The following CATSPERB variants were observed in gnomAD, a reference collection of about 807,000 sequenced individuals.
CATSPERB encodes cation channel sperm-associated auxiliary subunit beta.
A neutral mutation model predicts 128.3 loss-of-function variants in CATSPERB; 93 were observed. The observed-to-expected ratio is 0.72, with a 90% CI of 0.61 to 0.86. The LOEUF is 0.86. Ranked by LOEUF, CATSPERB falls within the 40% of genes least tolerant of loss-of-function variation. The pLI, the probability that CATSPERB is intolerant of heterozygous loss-of-function variation, is 0.00. For synonymous variants in CATSPERB, 381 were observed against 448.8 expected (o/e 0.85, Z 1.91); for missense variants, 1,153 against 1,329.5 (o/e 0.87, Z 2.06).
At chr14:91,597,070 T>C (rs1893519680) in intron 22 of CATSPERB, among the ~76,000 whole-genome samples, 1 of 151,534 alleles carries the variant, frequency 6.6e-6, no homozygotes, top group South Asian at 2.1e-4. Context: ...TTTTTTTGTA[T>C]TTTTAGTAGA....
intron 7 of CATSPERB, among the ~76,000 whole-genome samples, chr14:91,702,687 C>CACACACAA (rs1456247283): frequency 6.6e-6 from 1 of 151,212 alleles, no homozygotes; most frequent in African/African-American, 2.4e-5. Context: ...CACACACACA[C>CACACACAA]ACACACACAC....
intron 7 of CATSPERB, among the ~76,000 whole-genome samples, chr14:91,702,812 C>A (rs1895674247): frequency 6.6e-6 from 1 of 151,718 alleles, no homozygotes; most frequent in Non-Finnish European, 1.5e-5. Flanking sequence ...CTTTATAATA[C>A]CAGAACTTCC....
chr14:91,654,200 C>T (rs1894751690), intron 15 of CATSPERB, among the ~76,000 whole-genome samples: 1 of 152,138 alleles, frequency 6.6e-6, no homozygotes, highest in Non-Finnish European at 1.5e-5. Flanking sequence ...CCTGCAGGAA[C>T]ATCAAATTGA....
At chr14:91,702,361 G>A (rs989964593) in intron 7 of CATSPERB, among the ~76,000 whole-genome samples, 17 of 150,222 alleles carry the variant, frequency 1.1e-4, no homozygotes, top group Non-Finnish European at 2.4e-4. Flanking sequence ...AAAAAAAATC[G>A]CGGTTTTTGC....
intron 14 of CATSPERB, among the ~76,000 whole-genome samples, chr14:91,667,727 C>A (rs1396442123): frequency 6.6e-6 from 1 of 152,044 alleles, no homozygotes; most frequent in East Asian, 1.9e-4. Context: ...GTTGTTTTTA[C>A]ACTAACCAGT....
intron 16 of CATSPERB, among the ~76,000 whole-genome samples, chr14:91,637,911 C>G (rs1894407413): frequency 6.6e-6 from 1 of 152,110 alleles, no homozygotes; most frequent in Non-Finnish European, 1.5e-5. Context: ...TTCTACCCTC[C>G]TGCTCACATC....
At chr14:91,632,269 C>T (rs990762765) in intron 17 of CATSPERB, among the ~76,000 whole-genome samples, 1 of 151,730 alleles carries the variant, frequency 6.6e-6, no homozygotes, top group Non-Finnish European at 1.5e-5. Context: ...AAATATTATC[C>T]AAAGAAGGCT....
intron 2 of CATSPERB, 65 bp downstream of exon 2, chr14:91,729,336 T>C (rs1253206609): frequency 1.5e-5 from 10 of 675,786 alleles, no homozygotes; most frequent in Non-Finnish European, 2.4e-5. Context: ...TTACTGTAAA[T>C]AAGGAAGAGA....
chr14:91,694,119 T>TG (rs1555364147), intron 7 of CATSPERB, among the ~76,000 whole-genome samples: 1 of 151,334 alleles, frequency 6.6e-6, no homozygotes, highest in East Asian at 1.9e-4. Flanking sequence ...ACATAAATAA[T>TG]AAAAAAAAAT....
At chr14:91,582,829 C>T (rs752682731) in intron 26 of CATSPERB, among the ~76,000 whole-genome samples, 2 of 152,110 alleles carry the variant, frequency 1.3e-5, no homozygotes, top group African/African-American at 4.8e-5. Flanking sequence ...ATTCTTTGCC[C>T]TCCTCACTCT....
intron 10 of CATSPERB, among the ~76,000 whole-genome samples, chr14:91,684,847 C>T (rs1033768681): frequency 6.6e-6 from 1 of 151,932 alleles, no homozygotes; most frequent in Non-Finnish European, 1.5e-5. Flanking sequence ...GAACTCCTGA[C>T]CTCAAGTGAT....
At chr14:91,616,508 ATGTT>A (rs563157371) in intron 20 of CATSPERB, among the ~76,000 whole-genome samples, 247 of 152,204 alleles carry the variant, frequency 1.6e-3, no homozygotes, top group African/African-American at 5.7e-3. Context: ...AATTTGAAAA[ATGTT>A]TGTTTTTCCT....
At chr14:91,604,992 G>A (rs1595142470) in intron 22 of CATSPERB, 2 of 1,165,922 alleles carry the variant, frequency 1.7e-6, no homozygotes, top group East Asian at 4.7e-5. Flanking sequence ...CTATCATTGA[G>A]TACAAACAGC....
intron 26 of CATSPERB, among the ~76,000 whole-genome samples, chr14:91,584,162 G>A (rs1281209723): frequency 6.6e-6 from 1 of 152,030 alleles, no homozygotes; most frequent in Non-Finnish European, 1.5e-5. Context: ...TCTGCCTCCT[G>A]GGTTCAAGCA....
intron 15 of CATSPERB, among the ~76,000 whole-genome samples, chr14:91,656,381 T>A (rs1190613765): frequency 6.6e-6 from 1 of 152,048 alleles, no homozygotes; most frequent in African/African-American, 2.4e-5. Flanking sequence ...TACAACAACT[T>A]TTCAAGACAT....
chr14:91,710,148 C>T (rs1036861943), intron 5 of CATSPERB: 1 of 152,680 alleles, frequency 6.5e-6, no homozygotes, highest in Non-Finnish European at 1.5e-5. Flanking sequence ...ATCTGTTATA[C>T]ATGCAATTCA....
chr14:91,610,066 T>A (rs2139776504), intron 21 of CATSPERB, among the ~76,000 whole-genome samples: 1 of 152,318 alleles, frequency 6.6e-6, no homozygotes, highest in South Asian at 2.1e-4. Context: ...TGTGAATTTT[T>A]TCAATTGTCA....
chr14:91,671,156 T>A (rs1895081092), intron 13 of CATSPERB, among the ~76,000 whole-genome samples: 1 of 152,204 alleles, frequency 6.6e-6, no homozygotes, highest in African/African-American at 2.4e-5. Flanking sequence ...TTGGGGCAGA[T>A]CTACTCCTAG....
intron 22 of CATSPERB, chr14:91,604,831 A>G (rs1247863439): frequency 3.9e-6 from 6 of 1,532,914 alleles, no homozygotes; most frequent in South Asian, 1.1e-5. Context: ...GAGTCACACC[A>G]TTGCTATTCT....
Sources: allele counts gnomAD v4.1 joint callset (sites outside exome capture counted in the v4.1 genomes callset), GRCh38; gene constraint gnomAD v4.1.1; transcripts MANE v1.5; gene names NCBI Gene and HGNC (gene_info 2026-07-23, HGNC 2026-07-21).